CTNND2: variants seen among roughly 807,000 people sequenced by gnomAD.
CTNND2 encodes catenin delta-2.
In CTNND2, 22 loss-of-function variants were observed where a neutral mutation model predicts 144.4. That is an observed-to-expected ratio of 0.15 (90% CI 0.11 to 0.22). CTNND2 has a LOEUF of 0.22. Among genes scored for constraint, CTNND2 ranks in the 10% least tolerant of loss-of-function variants. The probability of loss-of-function intolerance (pLI) is 1.00; values close to 1 mark genes in which losing one functional copy is unlikely to be tolerated. For missense variants in CTNND2, 1,353 were observed against 1,618.8 expected (o/e 0.84, Z 2.82); for synonymous variants, 751 against 695.6 (o/e 1.08, Z -1.25).
At chr5:11,872,938 G>C (rs1318233123) in intron 1 of CTNND2, among the ~76,000 whole-genome samples, 1 of 152,134 alleles carries the variant, frequency 6.6e-6, no homozygotes, top group Non-Finnish European at 1.5e-5. Flanking sequence ...CATAGGCATT[G>C]ACAAAGACTT....
chr5:11,343,825 G>A (rs1384746891), intron 9 of CTNND2, among the ~76,000 whole-genome samples: 2 of 152,142 alleles, frequency 1.3e-5, no homozygotes, highest in African/African-American at 4.8e-5. Context: ...TAATGATAAA[G>A]AGGCTTACAT....
At chr5:11,091,800 CAT>C (rs989484265) in intron 15 of CTNND2, among the ~76,000 whole-genome samples, 6 of 152,216 alleles carry the variant, frequency 3.9e-5, no homozygotes, top group African/African-American at 1.4e-4. Flanking sequence ...TGCACCCCCA[CAT>C]GAGTGTCCGA....
intron 1 of CTNND2, among the ~76,000 whole-genome samples, chr5:11,848,095 C>G (rs1794830900): frequency 1.3e-5 from 2 of 152,018 alleles, no homozygotes; most frequent in African/African-American, 2.4e-5. Context: ...AGATTTTTCT[C>G]CCTTGCAAGG....
At chr5:11,695,963 ATTAT>A (rs1561703444) in intron 2 of CTNND2, among the ~76,000 whole-genome samples, 2 of 152,204 alleles carry the variant, frequency 1.3e-5, no homozygotes, top group Admixed American at 6.5e-5. Flanking sequence ...TAATGGATGA[ATTAT>A]TTAAACATTT....
At chr5:11,472,530 C>T (rs1767326949) in intron 3 of CTNND2, among the ~76,000 whole-genome samples, 1 of 152,052 alleles carries the variant, frequency 6.6e-6, no homozygotes, top group Admixed American at 6.6e-5. Context: ...TTGGGGAGAA[C>T]TTGCATCTTT....
intron 6 of CTNND2, among the ~76,000 whole-genome samples, chr5:11,388,507 G>A (rs1005184533): frequency 1.3e-4 from 20 of 152,308 alleles, no homozygotes; most frequent in African/African-American, 4.3e-4. Context: ...CTCCTCTGCA[G>A]TTTACAATAA....
At chr5:11,380,322 ACC>A (rs1758351875) in intron 7 of CTNND2, among the ~76,000 whole-genome samples, 1 of 152,192 alleles carries the variant, frequency 6.6e-6, no homozygotes, top group African/African-American at 2.4e-5. Flanking sequence ...TTCCTTGCAC[ACC>A]CAAGGTAGTG....
chr5:11,147,175 T>C (rs185160452), intron 12 of CTNND2, among the ~76,000 whole-genome samples: 1 of 152,272 alleles, frequency 6.6e-6, no homozygotes, highest in Admixed American at 6.5e-5. Flanking sequence ...CGTGAGAATG[T>C]CACTTGTGAA....
At position 11,384,417 on chromosome 5, in the gene CTNND2, G is replaced by A. The variant is rs61749847; in HGVS notation, c.1177+248C>T. On this transcript the variant is annotated intron_variant, in intron 7 of 21. Transcript: ENST00000304623. This position sits in a 1 kb window ranked among gnomAD's most constrained non-coding sequence, Gnocchi z 5.2. The stretch of plus-strand genomic sequence containing the variant: ...CTGGGGAGAGGGCAGAGAGAGAAGA[G>A]AGGAGAGAAGAGAGTGATATAGGTG... The A allele has an allele frequency of 5.2e-3, 2,752 of 530,502 alleles. 87 individuals carry two copies. Among genetic ancestry groups the A allele is most frequent in the East Asian group, 0.05 (1,591 of 31,512 alleles). 32.9% of individuals were successfully genotyped at this position (530,502 alleles called of 1,614,324 possible). A position where few individuals can be genotyped will look rare whatever the true frequency, so the allele number is the denominator to read the frequency against.
chr5:11,188,754 C>A (rs1389308933), intron 11 of CTNND2, among the ~76,000 whole-genome samples: 2 of 152,150 alleles, frequency 1.3e-5, no homozygotes, highest in African/African-American at 4.8e-5. Flanking sequence ...AGCCATATGG[C>A]TAGAAGGGTT....
intron 12 of CTNND2, among the ~76,000 whole-genome samples, chr5:11,147,753 G>C (rs1011961813): frequency 3.3e-5 from 5 of 152,132 alleles, no homozygotes; most frequent in Admixed American, 6.5e-5. Context: ...ATGTAATGGA[G>C]GTGAACATAC....
chr5:11,489,685 G>A (rs1452862040), intron 3 of CTNND2, among the ~76,000 whole-genome samples: 1 of 152,116 alleles, frequency 6.6e-6, no homozygotes, highest in Admixed American at 6.5e-5. Flanking sequence ...GCACACAGCT[G>A]CCCACATAAC....
intron 3 of CTNND2, among the ~76,000 whole-genome samples, chr5:11,527,938 T>C (rs747912657): frequency 2.6e-5 from 4 of 152,174 alleles, no homozygotes; most frequent in Non-Finnish European, 5.9e-5. Context: ...AGGGTGTTTT[T>C]CCAAACAGAT....
At chr5:11,047,473 G>A (rs1164563567) in intron 16 of CTNND2, among the ~76,000 whole-genome samples, 2 of 152,110 alleles carry the variant, frequency 1.3e-5, no homozygotes, top group African/African-American at 4.8e-5. Flanking sequence ...ACGGAGAGAG[G>A]GACAGGATAT....
chr5:11,104,006 C>G (rs1752169651), intron 14 of CTNND2, among the ~76,000 whole-genome samples: 1 of 152,226 alleles, frequency 6.6e-6, no homozygotes, highest in Non-Finnish European at 1.5e-5. Context: ...CTCTTTCCAC[C>G]TGTCACAGGC....
chr5:11,852,132 T>C (rs2127006389), intron 1 of CTNND2, among the ~76,000 whole-genome samples: 1 of 152,246 alleles, frequency 6.6e-6, no homozygotes, highest in South Asian at 2.1e-4. Context: ...ACAGCTTCCA[T>C]CTGATATTTC....
intron 2 of CTNND2, among the ~76,000 whole-genome samples, chr5:11,675,173 GA>G (rs1044102966): frequency 2.6e-5 from 4 of 151,932 alleles, no homozygotes; most frequent in East Asian, 1.9e-4. Context: ...CAAAAAAGTA[GA>G]AAAAAAGGCA....
intron 2 of CTNND2, among the ~76,000 whole-genome samples, chr5:11,718,546 T>C (rs1786482191): frequency 6.6e-6 from 1 of 152,048 alleles, no homozygotes; most frequent in Non-Finnish European, 1.5e-5. Flanking sequence ...AACACACTTG[T>C]GATCCAGAGG....
At chr5:11,240,599 ACCCAACACACACAC>A (rs1742267114) in intron 9 of CTNND2, among the ~76,000 whole-genome samples, 1 of 136,290 alleles carries the variant, frequency 7.3e-6, no homozygotes, top group Non-Finnish European at 1.6e-5. Flanking sequence ...CAGCACACAC[ACCCAACACACACAC>A]CCCAACACAG....
Sources: gnomAD v4.1 joint callset for allele counts (sites outside exome capture counted in the v4.1 genomes callset) on GRCh38, gnomAD v4.1.1 for gene constraint, Gnocchi (gnomAD v3.1) non-coding constraint, MANE v1.5 for transcripts, NCBI Gene and HGNC (gene_info 2026-07-23, HGNC 2026-07-21) for gene names.